The following AGR2 variants were observed in gnomAD, a reference collection of about 807,000 sequenced individuals.
AGR2 encodes the protein anterior gradient 2, protein disulphide isomerase family member.
Under a neutral mutation model 25.9 loss-of-function variants are expected in AGR2, and 27 were observed. The observed-to-expected ratio is 1.04, with a 90% CI of 0.77 to 1.44. The LOEUF (loss-of-function observed/expected upper bound fraction) is 1.44. AGR2 is among the 40% of genes most tolerant of loss of function. The pLI, the probability that AGR2 is intolerant of heterozygous loss-of-function variation, is 0.00. For missense variants in AGR2, 182 were observed against 200.9 expected, an observed-to-expected ratio of 0.91 and a Z score of 0.57; for synonymous variants, 78 against 72.0, an observed-to-expected ratio of 1.08 and a Z score of -0.42.
intron 6 of AGR2, among the ~76,000 whole-genome samples, chr7:16,796,375 T>C (rs1410702611): frequency 1.3e-5 from 2 of 152,264 alleles, no homozygotes; most frequent in African/African-American, 2.4e-5. Flanking sequence ...CTGACAAAAC[T>C]AAACCTATAA....
intron 5 of AGR2, among the ~76,000 whole-genome samples, chr7:16,798,131 A>G (rs1445410681): frequency 6.6e-6 from 1 of 152,178 alleles, no homozygotes; most frequent in Non-Finnish European, 1.5e-5. Flanking sequence ...ATGAATGCAC[A>G]CTCTATTGAG....
chr7:16,795,865 C>T (rs1785037225), intron 6 of AGR2, among the ~76,000 whole-genome samples: 2 of 152,166 alleles, frequency 1.3e-5, no homozygotes, highest in African/African-American at 4.8e-5. Flanking sequence ...TCTGTCATTT[C>T]AGAATGTTGG....
chr7:16,798,930 GA>G (rs1031316328), intron 5 of AGR2, among the ~76,000 whole-genome samples: 4 of 152,220 alleles, frequency 2.6e-5, no homozygotes, highest in Non-Finnish European at 4.4e-5. Context: ...AATATGGTTG[GA>G]TAGACAATTT....
intron 7 of AGR2, 42 bp downstream of exon 7, chr7:16,794,894 G>A (rs377229014): frequency 5.6e-6 from 9 of 1,613,380 alleles, no homozygotes; most frequent in Admixed American, 3.3e-5. Context: ...CAATAGAGGT[G>A]TTCAACTCTT....
intron 5 of AGR2, chr7:16,799,454 A>C: frequency 3.0e-6 from 1 of 337,736 alleles, no homozygotes; most frequent in Non-Finnish European, 5.4e-6. Context: ...CCAGGACTAT[A>C]GAGGGACAGG....
chr7:16,795,284 A>T (rs1785025847), intron 6 of AGR2, among the ~76,000 whole-genome samples: 1 of 151,844 alleles, frequency 6.6e-6, no homozygotes, highest in Non-Finnish European at 1.5e-5. Flanking sequence ...GGCAACCTGA[A>T]AACAGAATAA....
chr7:16,792,972 A>G lies in AGR2; in HGVS notation c.479-15T>C. On this transcript the variant is annotated splice_polypyrimidine_tract_variant and intron_variant, in intron 7 of 7. Coordinates refer to ENST00000419304, the MANE Select transcript of AGR2 (RefSeq NM_006408.4). ...GTTGTCAAGCACTAATGGGGGATAA[A>G]AGCAGGAGAGTCAAGACACCATCGT... 6.2e-7 allele frequency: 1 copy of G among 1,613,240 alleles called. No homozygotes were observed. The highest frequency in any genetic ancestry group is 8.5e-7 in the Non-Finnish European group (1 of 1,179,156).
At chr7:16,797,914 G>A (rs777535592) in intron 5 of AGR2, among the ~76,000 whole-genome samples, 10 of 152,108 alleles carry the variant, frequency 6.6e-5, no homozygotes, top group Non-Finnish European at 1.2e-4. Flanking sequence ...ATGTGATAAA[G>A]AGCAAAAAAA....
intron 7 of AGR2, 123 bp from the exon 8 acceptor site, chr7:16,793,080 T>A: frequency 1.2e-6 from 1 of 857,216 alleles, no homozygotes. Flanking sequence ...AGACAAGGTC[T>A]CACTCCCACT....
At chr7:16,799,878 A>G (rs1785112765) in intron 4 of AGR2, 61 bp from the exon 5 acceptor site, 1 of 1,145,772 alleles carries the variant, frequency 8.7e-7, no homozygotes, top group Non-Finnish European at 1.3e-6. Flanking sequence ...GCTTTGTTCA[A>G]TTTTCAGTTA....
chr7:16,802,230 A>T (rs1236673985), intron 1 of AGR2, among the ~76,000 whole-genome samples: 1 of 152,178 alleles, frequency 6.6e-6, no homozygotes, highest in East Asian at 1.9e-4. Context: ...AGCTCTTATT[A>T]ATCTCTTATT....
intron 6 of AGR2, among the ~76,000 whole-genome samples, chr7:16,795,795 A>G (rs1223106023): frequency 6.6e-6 from 1 of 152,220 alleles, no homozygotes; most frequent in Non-Finnish European, 1.5e-5. Context: ...TGAGACAAGG[A>G]AGACATGTGA....
At chr7:16,802,436 G>A (rs1361933914) in intron 1 of AGR2, among the ~76,000 whole-genome samples, 1 of 152,106 alleles carries the variant, frequency 6.6e-6, no homozygotes, top group African/African-American at 2.4e-5. Flanking sequence ...CCGTAAATGT[G>A]CTCAGAACAC....
rs1180480055 is a variant in AGR2, at chr7:16,792,191, A to C, written c.*717T>G. On this transcript the variant is annotated 3_prime_UTR_variant, in exon 8 of 8. Transcript: ENST00000419304. ...TGACAGACAAATCGATTACAAGGTC[A>C]ATTCCCAGGATTTCTTCAGGGTGTG... is the stretch of plus-strand genomic sequence containing the variant. The C allele has an allele frequency of 1.3e-5, 2 of 152,240 alleles. No individual in the cohort carries two copies. The highest frequency in any genetic ancestry group is 2.9e-5 in the Non-Finnish European group (2 of 68,062). 9.4% of individuals were successfully genotyped at this position (152,240 alleles called of 1,614,324 possible). A position where few individuals can be genotyped will look rare whatever the true frequency, so the allele number is the denominator to read the frequency against.
rs1784977220 is a variant in AGR2 at position 16,792,246 on chromosome 7, C to T, written c.*662G>A. On this transcript the variant is annotated 3_prime_UTR_variant, in exon 8 of 8. Coordinates refer to ENST00000419304, the MANE Select transcript of AGR2 (RefSeq NM_006408.4). The stretch of plus-strand genomic sequence containing the variant: ...GGAGTGCAGATGTTCTTTGGATGAC[C>T]TTTCTACTAAATTAGACCTCTGAAG... 1 of 152,224 alleles carries T rather than the reference C, an allele frequency of 6.6e-6. No homozygotes were observed. Among genetic ancestry groups the T allele is most frequent in the South Asian group, 2.1e-4 (1 of 4,830 alleles). 9.4% of individuals were successfully genotyped at this position (152,224 alleles called of 1,614,324 possible). A position where few individuals can be genotyped will look rare whatever the true frequency, so the allele number is the denominator to read the frequency against.
At position 16,796,791 on chromosome 7, in the gene AGR2, C is replaced by G. The variant is rs150701359; in HGVS notation, c.394+840G>C. Among the ~76,000 whole-genome samples, 533 of 152,188 alleles carry G rather than the reference C, an allele frequency of 3.5e-3. 2 individuals carry two copies. The highest frequency in any genetic ancestry group is 0.012 in the African/African-American group (511 of 41,504). On this transcript the variant is annotated intron_variant, in intron 6 of 7. Coordinates refer to ENST00000419304, the MANE Select transcript of AGR2 (RefSeq NM_006408.4). Reference sequence around the variant, plus strand: ...GCACATAGTAGGGATTTGACTCGGTCAATGAATAATGATGATTGGGGAGTT... The same window carrying G: ...GCACATAGTAGGGATTTGACTCGGTGAATGAATAATGATGATTGGGGAGTT...
At position 16,801,309 on chromosome 7, in the gene AGR2, C is replaced by A; in HGVS notation, c.203+11G>T. 1 of 1,613,528 alleles carries A rather than the reference C, an allele frequency of 6.2e-7. No individual in the cohort carries two copies. Among genetic ancestry groups the A allele is most frequent in the Non-Finnish European group, 8.5e-7 (1 of 1,179,642 alleles). On this transcript the variant is annotated intron_variant, in intron 3 of 7. Transcript: ENST00000419304. ...AGCTTTGAGGGAGCTCTGAGTAATC[C>A]TGATCTTTACCTTGTCTTGGATTTA...
intron 5 of AGR2, 134 bp downstream of exon 5, chr7:16,799,610 C>T (rs1365898108): frequency 3.2e-5 from 18 of 556,418 alleles, no homozygotes; most frequent in African/African-American, 1.3e-4. Flanking sequence ...TTTTTTCTCT[C>T]TAATTTATGA....
At chr7:16,802,717 TATAG>T (rs1785169479) in intron 1 of AGR2, among the ~76,000 whole-genome samples, 1 of 152,058 alleles carries the variant, frequency 6.6e-6, no homozygotes, top group Admixed American at 6.6e-5. Context: ...GACAAAAAGA[TATAG>T]ATCTCTATAG....
Sources: allele counts gnomAD v4.1 joint callset (sites outside exome capture counted in the v4.1 genomes callset), GRCh38; gene constraint gnomAD v4.1.1; transcripts MANE v1.5; gene names NCBI Gene and HGNC (gene_info 2026-07-23, HGNC 2026-07-21).